Variants in TLE1 observed in about 807,000 individuals in gnomAD.
The protein encoded by TLE1 is transducin-like enhancer protein 1.
In TLE1, 21 loss-of-function variants were observed where a neutral mutation model predicts 89.8. The observed-to-expected ratio is 0.23, with a 90% confidence interval of 0.17 to 0.34. The LOEUF is 0.34. Among genes scored for constraint, TLE1 ranks in the 10% least tolerant of loss-of-function variants. The pLI is 1.00. For synonymous variants in TLE1, 447 were observed against 407.6 expected (o/e 1.10, Z -1.16); for missense variants, 795 against 1,031.2 (o/e 0.77, Z 3.14).
intron 4 of TLE1, among the ~76,000 whole-genome samples, chr9:81,673,777 C>T (rs1393185239): frequency 1.3e-5 from 2 of 152,092 alleles, no homozygotes; most frequent in Admixed American, 6.5e-5. Flanking sequence ...TATGACAACT[C>T]TAATGTTGTC....
At position 81,584,308 on chromosome 9, in the gene TLE1, G is replaced by A. The variant is rs200276956; in HGVS notation, c.2206-3C>T. The A allele has an allele frequency of 1.1e-5, 17 of 1,613,680 alleles. No individual in the cohort carries two copies. In the Admixed American group the frequency reaches 2.5e-4, roughly 24 times the overall value. On this transcript the variant is annotated splice_region_variant and splice_polypyrimidine_tract_variant and intron_variant, in intron 19 of 19. Coordinates refer to ENST00000376499, the MANE Select transcript of TLE1 (RefSeq NM_005077.5). ...AGCACTGACGAGGACTCTTTGGACT[G>A]GAAGAGAAAACAATGGACATGTGTT...
At chr9:81,625,836 C>T in intron 8 of TLE1, among the ~76,000 whole-genome samples, 1 of 138,592 alleles carries the variant, frequency 7.2e-6, no homozygotes, top group African/African-American at 2.8e-5. Context: ...AAGAATTTGA[C>T]TTTTCTTTAG....
rs2228172 is a variant in TLE1 at position 81,585,614 on chromosome 9, T to C, written c.2019A>G (p.Ala673=). The change falls in exon 18 of 20, where the codon GCA becomes GCG. Residue 673 remains alanine (A), a synonymous_variant. Transcript: ENST00000376499. ...CCACATTGCTGCTCTCCATGCCCAC[T>C]GCCAGCCACTCCCCGGTGGGGCAGT... ...LGYCPTGEWL[A]VGMESSNVEV... 112,000 of 1,613,990 alleles carry C rather than the reference T, an allele frequency of 0.069. 4,307 individuals are homozygous for C. Among genetic ancestry groups the C allele is most frequent in the Middle Eastern group, 0.12 (750 of 6,054 alleles).
At chr9:81,678,654 A>G (rs534492558) in intron 4 of TLE1, among the ~76,000 whole-genome samples, 10 of 152,254 alleles carry the variant, frequency 6.6e-5, no homozygotes, top group Admixed American at 4.6e-4. Flanking sequence ...GTCTATACTA[A>G]AAACACAAAA....
intron 14 of TLE1, among the ~76,000 whole-genome samples, chr9:81,595,091 G>A (rs1002539089): frequency 3.3e-5 from 5 of 152,064 alleles, no homozygotes; most frequent in Non-Finnish European, 7.4e-5. Context: ...ACGTATAATG[G>A]GAACCATGGA....
intron 4 of TLE1, among the ~76,000 whole-genome samples, chr9:81,674,785 T>C (rs1832678909): frequency 6.6e-6 from 1 of 152,124 alleles, no homozygotes; most frequent in Non-Finnish European, 1.5e-5. Flanking sequence ...GATCACCTAA[T>C]ACAACCACGC....
chr9:81,673,294 A>AAC (rs1832472005), intron 4 of TLE1, among the ~76,000 whole-genome samples: 1 of 141,786 alleles, frequency 7.1e-6, no homozygotes, highest in African/African-American at 2.6e-5. Context: ...AAAAAAAAAA[A>AAC]CAGACTGCCA....
chr9:81,621,030 C>T, intron 8 of TLE1: 1 of 295,766 alleles, frequency 3.4e-6, no homozygotes. Flanking sequence ...TCCTAAAAGG[C>T]AAATCACATT....
rs1377622599 is a variant in TLE1, at chr9:81,685,679, T to G, written c.231A>C (p.Lys77Asn). 6.2e-7 allele frequency: 1 copy of G among 1,613,516 alleles called. No homozygotes were observed. The highest frequency in any genetic ancestry group is 8.5e-7 in the Non-Finnish European group (1 of 1,179,640). Reference sequence around the variant, plus strand: ...TTGAAGTTCAACTAAAGCTTACCTGTTTGTGCATTTCAATGTTTAATCCAT... The same window carrying G: ...TTGAAGTTCAACTAAAGCTTACCTGGTTGTGCATTTCAATGTTTAATCCAT... ...MSYGLNIEMHKQTEIAKRLNT... is the reference protein window; with the variant it reads ...MSYGLNIEMHNQTEIAKRLNT... Residue 77 changes from lysine to asparagine, a missense_variant, in exon 4 of 20, where the codon AAA (lysine) becomes AAC (asparagine). Transcript: ENST00000376499.
Position 81,687,984 on chromosome 9 carries a change from C to T in TLE1, c.24+233G>A, listed in dbSNP as rs567096780. On this transcript the variant is annotated intron_variant, in intron 1 of 19. Transcript: ENST00000376499. ...GAGAAACCCCAGCCTTCCCCAGCGC[C>T]CCTGTCCGCTCGGTATAGACGTCAA... Among the ~76,000 whole-genome samples, 75 of 152,242 alleles carry T rather than the reference C, an allele frequency of 4.9e-4. No homozygotes were observed. In the South Asian group the frequency reaches 0.014, roughly 29 times the overall value.
intron 4 of TLE1, among the ~76,000 whole-genome samples, chr9:81,665,025 G>A (rs891018997): frequency 1.3e-5 from 2 of 152,180 alleles, no homozygotes; most frequent in Non-Finnish European, 2.9e-5. Context: ...TGGACACCAG[G>A]TCCCCTGGGA....
At chr9:81,642,970 A>C (rs1034242841) in intron 6 of TLE1, among the ~76,000 whole-genome samples, 1 of 152,234 alleles carries the variant, frequency 6.6e-6, no homozygotes, top group Non-Finnish European at 1.5e-5. Context: ...AAGCGAAATA[A>C]GCAGATTCAG....
chr9:81,681,965 G>A (rs973030347), intron 4 of TLE1, among the ~76,000 whole-genome samples: 1 of 152,154 alleles, frequency 6.6e-6, no homozygotes, highest in South Asian at 2.1e-4. Flanking sequence ...GCACAGACAG[G>A]CCGGGTGTGG....
At chr9:81,619,657 A>G (rs1211259522) in intron 9 of TLE1, among the ~76,000 whole-genome samples, 1 of 152,208 alleles carries the variant, frequency 6.6e-6, no homozygotes, top group Non-Finnish European at 1.5e-5. Flanking sequence ...GTTCCTGAGA[A>G]TGCATCCATC....
chr9:81,687,147 G>GAGA (rs1834391954), intron 2 of TLE1, among the ~76,000 whole-genome samples, 187 bp downstream of exon 2: 1 of 152,338 alleles, frequency 6.6e-6, no homozygotes, highest in Admixed American at 6.5e-5. Context: ...GGAGGAGGAG[G>GAGA]AGACAAGAGA....
chr9:81,594,422 T>A (rs1829945429), intron 14 of TLE1, among the ~76,000 whole-genome samples: 1 of 151,610 alleles, frequency 6.6e-6, no homozygotes, highest in Non-Finnish European at 1.5e-5. Context: ...CCCAGCAAAC[T>A]AACACAGGAA....
chr9:81,645,670 G>A (rs1828769679), intron 6 of TLE1, among the ~76,000 whole-genome samples: 3 of 151,468 alleles, frequency 2.0e-5, no homozygotes, highest in Admixed American at 6.6e-5. Context: ...AACCCGGGAG[G>A]CAGAGGCTGT....
At chr9:81,618,021 G>A (rs76630120) in intron 9 of TLE1, among the ~76,000 whole-genome samples, 26,388 of 142,362 alleles carry the variant, frequency 0.19, 2,440 homozygotes, top group African/African-American at 0.27. Flanking sequence ...GCAAGACTCC[G>A]TCTCAAAACA....
At chr9:81,685,573 T>A (rs1834158349) in intron 4 of TLE1, 103 bp downstream of exon 4, 3 of 1,188,202 alleles carry the variant, frequency 2.5e-6, no homozygotes, top group African/African-American at 1.5e-5. Context: ...AAAAATAGCA[T>A]ACAAACCCCC....
Sources: gnomAD v4.1 joint callset for allele counts (sites outside exome capture counted in the v4.1 genomes callset) on GRCh38, gnomAD v4.1.1 for gene constraint, MANE v1.5 for transcripts, NCBI Gene and HGNC (gene_info 2026-07-23, HGNC 2026-07-21) for gene names.